C16orf96: variants seen among roughly 807,000 people sequenced by gnomAD.
C16orf96 encodes the protein uncharacterized protein C16orf96.
In C16orf96, 108 loss-of-function variants were observed where a neutral mutation model predicts 103.6. The observed-to-expected ratio is 1.04, with a 90% CI of 0.89 to 1.22. C16orf96 has a LOEUF of 1.22. Among genes scored for constraint, C16orf96 ranks in the 50% most tolerant of loss-of-function variants. The probability of loss-of-function intolerance (pLI) is 0.00; values close to 1 mark genes in which losing one functional copy is unlikely to be tolerated. For synonymous variants in C16orf96, 566 were observed against 593.5 expected (o/e 0.95, Z 0.67); for missense variants, 1,586 against 1,464.2 (o/e 1.08, Z -1.36).
the C16orf96 span, among the ~76,000 whole-genome samples, chr16:4,548,702 A>G: frequency 8.0e-4 from 122 of 152,172 alleles, no homozygotes; most frequent in Non-Finnish European, 1.6e-3. Context: ...GTGAAACCCC[A>G]TCACTACTAA....
Position 4,593,172 on chromosome 16 carries a change from G to T in C16orf96, c.2775-52G>T. ...TGGAGGGGTGGGAGACGAGCCCTCT[G>T]CTGGCCTAGCACGCCTCCCACAGCC... is the stretch of plus-strand genomic sequence containing the variant. On this transcript the variant is annotated intron_variant, in intron 11 of 15. Coordinates refer to ENST00000444310, the MANE Select transcript of C16orf96 (RefSeq NM_001145011.2). This position sits in a 1 kb window ranked among gnomAD's most constrained non-coding sequence, Gnocchi z 4.2. 1.3e-6 allele frequency: 2 copies of T among 1,507,518 alleles called. No homozygotes were observed. Among genetic ancestry groups the T allele is most frequent in the South Asian group, 2.4e-5 (2 of 83,032 alleles). 93.4% of individuals were successfully genotyped at this position (1,507,518 alleles called of 1,614,324 possible). A position where few individuals can be genotyped will look rare whatever the true frequency, so the allele number is the denominator to read the frequency against.
intron 14 of C16orf96, among the ~76,000 whole-genome samples, chr16:4,596,049 A>G (rs570022753): frequency 4.9e-4 from 75 of 152,188 alleles, no homozygotes; most frequent in African/African-American, 1.8e-3. Flanking sequence ...CAGACATGGA[A>G]GAAGGGAAGG....
chr16:4,588,392 C>A, intron 9 of C16orf96, 61 bp downstream of exon 9: 1 of 1,494,452 alleles, frequency 6.7e-7, no homozygotes, highest in Non-Finnish European at 9.0e-7. Context: ...AACTTAGCAA[C>A]TGCAAACAAC....
the C16orf96 span, among the ~76,000 whole-genome samples, chr16:4,546,034 G>T: frequency 7.8e-4 from 118 of 151,610 alleles, no homozygotes; most frequent in African/African-American, 2.7e-3. Context: ...ATTTTCAGTA[G>T]AGATGGGGTT....
chr16:4,556,976 T>C, intron 1 of C16orf96, 67 bp downstream of exon 1: 1 of 1,446,806 alleles, frequency 6.9e-7, no homozygotes, highest in Non-Finnish European at 9.1e-7. Context: ...GGGACGTCTT[T>C]TTTTTGTTTT....
intron 1 of C16orf96, among the ~76,000 whole-genome samples, chr16:4,569,253 C>T (rs1393064348): frequency 1.3e-5 from 2 of 152,086 alleles, no homozygotes; most frequent in South Asian, 4.2e-4. Context: ...CAGGTGTGAG[C>T]CACCATGCTG....
At chr16:4,545,730 G>C in the C16orf96 span, among the ~76,000 whole-genome samples, 1 of 152,094 alleles carries the variant, frequency 6.6e-6, no homozygotes, top group Admixed American at 6.6e-5. Flanking sequence ...ATTTTCCCTT[G>C]TTGTATTCGG....
At chr16:4,581,255 A>C (rs548229627) in intron 7 of C16orf96, among the ~76,000 whole-genome samples, 109 of 146,960 alleles carry the variant, frequency 7.4e-4, no homozygotes, top group African/African-American at 2.7e-3. Flanking sequence ...GAATCGCTTG[A>C]ACCCGGGAGG....
rs1403757501 is a variant in C16orf96 at position 4,578,938 on chromosome 16, A to G, written c.2156-2A>G. The G allele has an allele frequency of 6.4e-7, 1 of 1,551,114 alleles. No homozygotes were observed. The highest frequency in any genetic ancestry group is 8.7e-7 in the Non-Finnish European group (1 of 1,146,798). On this transcript the variant is annotated splice_acceptor_variant, in intron 5 of 15. Coordinates refer to ENST00000444310, the MANE Select transcript of C16orf96 (RefSeq NM_001145011.2). LOFTEE classifies it high-confidence loss of function. ...AGCAGCCACCCTGTCCTCTGCTTTCAGCCAATATGGGAGGTCCTTCCAGCC... is the reference window on the plus strand; with the variant it reads ...AGCAGCCACCCTGTCCTCTGCTTTCGGCCAATATGGGAGGTCCTTCCAGCC...
At chr16:4,581,528 G>C (rs1373203656) in intron 7 of C16orf96, among the ~76,000 whole-genome samples, 2 of 151,946 alleles carry the variant, frequency 1.3e-5, no homozygotes, top group Non-Finnish European at 2.9e-5. Flanking sequence ...AGCTACTCAG[G>C]AGGCTGAGGC....
chr16:4,539,743 G>A, the C16orf96 span, among the ~76,000 whole-genome samples: 1 of 152,068 alleles, frequency 6.6e-6, no homozygotes, highest in South Asian at 2.1e-4. Context: ...GAGGCCACAA[G>A]ATTCTAAACC....
In C16orf96 at chr16:4,591,723, G is replaced by A. The variant is rs192767885; in HGVS notation, c.2650G>A (p.Val884Ile). The stretch of plus-strand genomic sequence containing the variant: ...AGAAATGGAAGAGGTCTGGAAAATC[G>A]TCCGGAAGCTGCTGATTGAGGGCTT... ...KKEMEEVWKI[V>I]RKLLIEGLRL... Residue 884 changes from valine to isoleucine, a missense_variant, in exon 10 of 16, where the codon GTC (valine) becomes ATC (isoleucine). Physicochemically the swap from Val to Ile is conservative, Grantham distance 29 (BLOSUM62 3). Coordinates refer to ENST00000444310, the MANE Select transcript of C16orf96 (RefSeq NM_001145011.2). 321 of 1,551,658 alleles carry A rather than the reference G, an allele frequency of 2.1e-4. No individual in the cohort carries two copies. Among genetic ancestry groups the A allele is most frequent in the Non-Finnish European group, 2.5e-4 (290 of 1,146,992 alleles).
chr16:4,581,414 A>G (rs1322627929), intron 7 of C16orf96, among the ~76,000 whole-genome samples: 2 of 151,370 alleles, frequency 1.3e-5, no homozygotes. Context: ...CGAGTGGATC[A>G]CGAGTTCAGG....
At chr16:4,555,347 G>T (rs532555747), upstream of C16orf96, among the ~76,000 whole-genome samples, 1 of 151,368 alleles carries the variant, frequency 6.6e-6, no homozygotes, top group Admixed American at 6.6e-5. Context: ...CTTTGGATGC[G>T]TCCAGAAATG....
chr16:4,600,286 G>A lies in C16orf96; in HGVS notation c.3395G>A (p.Arg1132Lys), dbSNP rs1394816122. ...RAPHIESRVG[R>K]KPPEEPANP ...CCACACATTGAGTCCCGAGTCGGCA[G>A]GAAGCCCCCCGAGGAGCCCGCCAAC... The change falls in exon 16 of 16, where the codon AGG (arginine) becomes AAG (lysine). Residue 1132 changes from arginine to lysine, a missense_variant. Transcript: ENST00000444310. 5 of 1,550,974 alleles carry A rather than the reference G, an allele frequency of 3.2e-6. No homozygotes were observed. Among genetic ancestry groups the A allele is most frequent in the Non-Finnish European group, 4.4e-6 (5 of 1,146,886 alleles).
At chr16:4,583,885 A>T (rs1896850724) in intron 7 of C16orf96, among the ~76,000 whole-genome samples, 1 of 146,390 alleles carries the variant, frequency 6.8e-6, no homozygotes. Flanking sequence ...AGATCGCACC[A>T]CTGCACTCCA....
Position 4,563,485 on chromosome 16 carries a change from G to C in C16orf96, c.420+6576G>C, listed in dbSNP as rs1476911654. On this transcript the variant is annotated intron_variant, in intron 1 of 15. Coordinates refer to ENST00000444310, the MANE Select transcript of C16orf96 (RefSeq NM_001145011.2). ...CCCCAGGCTGGTCTCGAACTCTTGA[G>C]CTCAAGTAATCCTCCCACTTCAGCC... Among the ~76,000 whole-genome samples the C allele has an allele frequency of 2.0e-5, 3 of 152,234 alleles. No individual in the cohort carries two copies. In the East Asian group the frequency reaches 5.8e-4, roughly 29 times the overall value.
intron 7 of C16orf96, among the ~76,000 whole-genome samples, chr16:4,583,891 C>T (rs1047093923): frequency 1.2e-4 from 17 of 139,104 alleles, no homozygotes; most frequent in Non-Finnish European, 2.3e-4. Context: ...CACCACTGCA[C>T]TCCAGCCTGG....
chr16:4,594,916 C>G (rs761944928), intron 14 of C16orf96, 113 bp downstream of exon 14: 16 of 1,144,600 alleles, frequency 1.4e-5, no homozygotes, highest in Non-Finnish European at 2.0e-5. Context: ...ACCGGGGAGT[C>G]CTCACACAGT....
Sources: gnomAD v4.1 joint callset for allele counts (sites outside exome capture counted in the v4.1 genomes callset) on GRCh38, gnomAD v4.1.1 for gene constraint, Gnocchi (gnomAD v3.1) non-coding constraint, MANE v1.5 for transcripts, NCBI Gene and HGNC (gene_info 2026-07-23, HGNC 2026-07-21) for gene names.